Variants in ITGA6 observed in about 807,000 individuals in gnomAD.
ITGA6 encodes the protein integrin subunit alpha 6, also known as integrin alpha-6.
A neutral mutation model predicts 133.6 loss-of-function variants in ITGA6; 63 were observed. That is an observed-to-expected ratio of 0.47 (90% confidence interval 0.38 to 0.58). The LOEUF (loss-of-function observed/expected upper bound fraction) is 0.58. Among genes scored for constraint, ITGA6 ranks in the 20% least tolerant of loss-of-function variants. The pLI is 0.00. For synonymous variants in ITGA6, 434 were observed against 482.0 expected, an observed-to-expected ratio of 0.90 and a Z score of 1.30; for missense variants, 1,068 against 1,309.4, an observed-to-expected ratio of 0.82 and a Z score of 2.85.
At chr2:172,480,443 A>T (rs978826547) in intron 11 of ITGA6, among the ~76,000 whole-genome samples, 1 of 151,634 alleles carries the variant, frequency 6.6e-6, no homozygotes, top group African/African-American at 2.4e-5. Context: ...TGAAAGGGCA[A>T]CGGCAGGAGC....
intron 1 of ITGA6, among the ~76,000 whole-genome samples, chr2:172,444,748 C>T (rs1010223602): frequency 7.4e-6 from 1 of 134,726 alleles, no homozygotes; most frequent in South Asian, 2.9e-4. Flanking sequence ...CCCCCCTAAT[C>T]GCCACGTATT....
chr2:172,434,323 T>C (rs551506414), intron 1 of ITGA6, among the ~76,000 whole-genome samples: 1 of 152,312 alleles, frequency 6.6e-6, no homozygotes, highest in African/African-American at 2.4e-5. Flanking sequence ...TAGATGGGCC[T>C]CTCACCAGTG....
chr2:172,485,312 G>A (rs1470722306), intron 13 of ITGA6, 48 bp downstream of exon 13: 1 of 1,528,372 alleles, frequency 6.5e-7, no homozygotes, highest in Non-Finnish European at 9.1e-7. Flanking sequence ...TGCCATTTAT[G>A]ATGCTAAATC....
At chr2:172,446,974 T>C (rs1684792902) in intron 1 of ITGA6, among the ~76,000 whole-genome samples, 1 of 152,060 alleles carries the variant, frequency 6.6e-6, no homozygotes. Flanking sequence ...CTTGGCTTAG[T>C]GCAACCTCCA....
At chr2:172,455,973 G>C (rs1685190426) in intron 1 of ITGA6, among the ~76,000 whole-genome samples, 1 of 151,886 alleles carries the variant, frequency 6.6e-6, no homozygotes, top group Non-Finnish European at 1.5e-5. Context: ...CGCCTCCTCT[G>C]CTTTTCTTCA....
rs1200770244 is a variant in ITGA6, at chr2:172,427,665, G to C, written c.-124G>C. 1 of 1,325,004 alleles carries C rather than the reference G, an allele frequency of 7.5e-7. No homozygotes were observed. Among genetic ancestry groups the C allele is most frequent in the Non-Finnish European group, 9.6e-7 (1 of 1,040,276 alleles). The allele number at this position is 1,325,004 out of a possible 1,614,324, so 82.1% of individuals were successfully genotyped here. A position where few individuals can be genotyped will look rare whatever the true frequency, so the allele number is the denominator to read the frequency against. On this transcript the variant is annotated 5_prime_UTR_variant, in exon 1 of 26. Coordinates refer to ENST00000684293, the MANE Select transcript of ITGA6 (RefSeq NM_000210.4). Reference sequence around the variant, plus strand: ...GAGCGCGACCCGTCCCGGGGGTGGGGCCGGGCGCAGCGGCGAGAGGAGGCG... The same window carrying C: ...GAGCGCGACCCGTCCCGGGGGTGGGCCCGGGCGCAGCGGCGAGAGGAGGCG...
intron 9 of ITGA6, among the ~76,000 whole-genome samples, chr2:172,478,039 A>G (rs1686253786): frequency 2.0e-5 from 3 of 147,396 alleles, no homozygotes; most frequent in Non-Finnish European, 4.5e-5. Flanking sequence ...AAAAAACAAA[A>G]TATGTTCTAG....
intron 1 of ITGA6, among the ~76,000 whole-genome samples, chr2:172,452,229 C>T (rs904631746): frequency 2.0e-5 from 3 of 152,086 alleles, no homozygotes; most frequent in East Asian, 1.9e-4. Flanking sequence ...GTTGACCATG[C>T]GACCTGTGAG....
intron 1 of ITGA6, among the ~76,000 whole-genome samples, chr2:172,454,069 A>G (rs1057406039): frequency 4.1e-5 from 6 of 146,084 alleles, no homozygotes; most frequent in Non-Finnish European, 8.9e-5. Flanking sequence ...GAAAGTGGGA[A>G]GTTTTTTTTT....
At chr2:172,477,085 T>C (rs1201507518) in intron 9 of ITGA6, among the ~76,000 whole-genome samples, 1 of 151,184 alleles carries the variant, frequency 6.6e-6, no homozygotes, top group African/African-American at 2.4e-5. Flanking sequence ...TCTCACTGGA[T>C]GGTTACGTTG....
chr2:172,456,107 A>G (rs760098307), intron 1 of ITGA6, among the ~76,000 whole-genome samples: 20 of 152,220 alleles, frequency 1.3e-4, no homozygotes, highest in Non-Finnish European at 2.8e-4. Flanking sequence ...GGGTGTGGAC[A>G]TTCCCTGTTA....
intron 23 of ITGA6, 66 bp from the exon 24 acceptor site, chr2:172,497,909 C>T: frequency 6.3e-7 from 1 of 1,583,546 alleles, no homozygotes; most frequent in Non-Finnish European, 8.7e-7. Flanking sequence ...GAATTAGAAC[C>T]ATAAACTCCT....
Position 172,504,317 on chromosome 2 carries a change from T to G in ITGA6, c.*249T>G, listed in dbSNP as rs1687473375. 2 of 1,290,188 alleles carry G rather than the reference T, an allele frequency of 1.6e-6. No individual in the cohort carries two copies. The highest frequency in any genetic ancestry group is 3.0e-5 in the African/African-American group (2 of 66,354). 79.9% of individuals were successfully genotyped at this position (1,290,188 alleles called of 1,614,324 possible). On this transcript the variant is annotated 3_prime_UTR_variant, in exon 26 of 26. Coordinates refer to ENST00000684293, the MANE Select transcript of ITGA6 (RefSeq NM_000210.4). Reference sequence around the variant, plus strand: ...GCTTTTTCCAACTCAGAAATTCAATTTGGATTTAAAAGCCTGCTCAATCCC... The same window carrying G: ...GCTTTTTCCAACTCAGAAATTCAATGTGGATTTAAAAGCCTGCTCAATCCC...
chr2:172,435,576 A>G (rs954229650), intron 1 of ITGA6, among the ~76,000 whole-genome samples: 1 of 150,014 alleles, frequency 6.7e-6, no homozygotes, highest in African/African-American at 2.5e-5. Flanking sequence ...GACCTAAGGA[A>G]TCCAGCTTTG....
chr2:172,450,220 TG>T (rs1344154153), intron 1 of ITGA6, among the ~76,000 whole-genome samples: 1 of 152,102 alleles, frequency 6.6e-6, no homozygotes, highest in Non-Finnish European at 1.5e-5. Context: ...CGGAACCCAC[TG>T]GAGGGCTGTA....
chr2:172,494,942 C>G (rs1191761697), intron 23 of ITGA6, among the ~76,000 whole-genome samples: 1 of 152,118 alleles, frequency 6.6e-6, no homozygotes, highest in Non-Finnish European at 1.5e-5. Flanking sequence ...CCTTTTGGCT[C>G]TAAATTCAGA....
intron 9 of ITGA6, among the ~76,000 whole-genome samples, chr2:172,479,199 C>G (rs1479724571): frequency 6.6e-6 from 1 of 152,146 alleles, no homozygotes; most frequent in Non-Finnish European, 1.5e-5. Flanking sequence ...TGTGTATATA[C>G]AGGACAAGAC....
At chr2:172,452,037 G>T (rs1685027160) in intron 1 of ITGA6, among the ~76,000 whole-genome samples, 1 of 151,218 alleles carries the variant, frequency 6.6e-6, no homozygotes, top group Admixed American at 6.6e-5. Flanking sequence ...TATTAAGATT[G>T]TGAAGGAACT....
intron 1 of ITGA6, among the ~76,000 whole-genome samples, chr2:172,444,291 C>T (rs1684661389): frequency 6.6e-6 from 1 of 152,180 alleles, no homozygotes; most frequent in Non-Finnish European, 1.5e-5. Flanking sequence ...GTAGCTGCTA[C>T]AGGCATACAC....
Sources: gnomAD v4.1 joint callset for allele counts (sites outside exome capture counted in the v4.1 genomes callset) on GRCh38, gnomAD v4.1.1 for gene constraint, MANE v1.5 for transcripts, NCBI Gene and HGNC (gene_info 2026-07-23, HGNC 2026-07-21) for gene names.